STX3: variants seen among roughly 807,000 people sequenced by gnomAD.
STX3 encodes the protein syntaxin-3.
In STX3, 19 loss-of-function variants were observed where a neutral mutation model predicts 40.2. The ratio of observed to expected loss-of-function variants is 0.47; its 90% CI spans 0.33 to 0.69. STX3 has a LOEUF of 0.69. STX3 is among the 30% of genes least tolerant of loss of function. The pLI is 0.02. For missense variants in STX3, 364 were observed against 366.7 expected, an observed-to-expected ratio of 0.99 and a Z score of 0.06; for synonymous variants, 122 against 132.2, an observed-to-expected ratio of 0.92 and a Z score of 0.53.
Position 59,801,868 on chromosome 11 carries a change from G to T in STX3, c.*1044G>T, listed in dbSNP as rs1303214891. The T allele has an allele frequency of 1.0e-6, 1 of 985,180 alleles. No individual in the cohort carries two copies. Among genetic ancestry groups the T allele is most frequent in the Non-Finnish European group, 1.2e-6 (1 of 829,878 alleles). 61.0% of individuals were successfully genotyped at this position (985,180 alleles called of 1,614,324 possible). A position where few individuals can be genotyped will look rare whatever the true frequency, so the allele number is the denominator to read the frequency against. ...GAGCTAGGATAAAAATTGGGTAAAG[G>T]ACATTTGCTTACCTGCAAATGAATC... On this transcript the variant is annotated 3_prime_UTR_variant, in exon 11 of 11. Transcript: ENST00000337979.
chr11:59,755,558 G>A lies in STX3; in HGVS notation c.-48G>A. ...CACCTGGGAAGCGCTCACCTGGGACGCGCTCACCTGGGACGCGCTACCTGC... is the reference window on the plus strand; with the variant it reads ...CACCTGGGAAGCGCTCACCTGGGACACGCTCACCTGGGACGCGCTACCTGC... On this transcript the variant is annotated 5_prime_UTR_variant, in exon 1 of 11. Coordinates refer to ENST00000337979, the MANE Select transcript of STX3 (RefSeq NM_004177.5). The A allele has an allele frequency of 6.3e-7, 1 of 1,586,710 alleles. No homozygotes were observed. The highest frequency in any genetic ancestry group is 1.1e-5 in the South Asian group (1 of 90,428).
chr11:59,785,587 T>G (rs1864702860), intron 2 of STX3, among the ~76,000 whole-genome samples: 1 of 152,186 alleles, frequency 6.6e-6, no homozygotes, highest in East Asian at 1.9e-4. Context: ...TGCCTCGGCC[T>G]CTCAAAGTGC....
At position 59,803,248 on chromosome 11, in the gene STX3, A is replaced by G. The variant is rs1049291406; in HGVS notation, c.*2424A>G. The G allele has an allele frequency of 7.3e-6, 9 of 1,231,550 alleles. No homozygotes were observed. The African/African-American group carries it at 1.4e-4, about 19-fold the overall frequency. The allele number at this position is 1,231,550 out of a possible 1,614,324, so 76.3% of individuals were successfully genotyped here. ...GATCATGATCATGATCTGCTGTATT[A>G]TCCTTGCGATCATCTTAGCTTCCAC... On this transcript the variant is annotated 3_prime_UTR_variant, in exon 11 of 11. Coordinates refer to ENST00000337979, the MANE Select transcript of STX3 (RefSeq NM_004177.5).
chr11:59,758,126 G>A (rs1434252089), intron 1 of STX3, among the ~76,000 whole-genome samples: 2 of 152,124 alleles, frequency 1.3e-5, no homozygotes, highest in African/African-American at 2.4e-5. Flanking sequence ...TTTGTTCTGG[G>A]TAGATACAAA....
intron 5 of STX3, among the ~76,000 whole-genome samples, chr11:59,791,030 G>A (rs1363539321): frequency 6.6e-6 from 1 of 152,158 alleles, no homozygotes; most frequent in Non-Finnish European, 1.5e-5. Context: ...ATGCGACCCA[G>A]CAGGAGGATG....
At chr11:59,764,322 A>G (rs1159953074) in intron 1 of STX3, among the ~76,000 whole-genome samples, 2 of 152,220 alleles carry the variant, frequency 1.3e-5, no homozygotes, top group African/African-American at 4.8e-5. Context: ...TGTGCCTAGC[A>G]TTGCTCTAAA....
intron 1 of STX3, among the ~76,000 whole-genome samples, chr11:59,767,392 T>A (rs1186770694): frequency 6.6e-6 from 1 of 152,234 alleles, no homozygotes; most frequent in African/African-American, 2.4e-5. Context: ...GATATGTTGA[T>A]TCTTTGATAA....
chr11:59,800,833 T>G (rs1865849783), intron 10 of STX3, 22 bp from the exon 11 acceptor site: 1 of 1,536,390 alleles, frequency 6.5e-7, no homozygotes, highest in Non-Finnish European at 8.7e-7. Context: ...ACTGATCAGC[T>G]CCTCCTTTCC....
Position 59,777,732 on chromosome 11 carries a change from T to C in STX3, c.114+4438T>C, listed in dbSNP as rs147683704. ...TCTCTTAGGATTGTGAGAGAGAGAG[T>C]CTGTTCTGTGATTATCTATTGTTAT... On this transcript the variant is annotated intron_variant, in intron 2 of 10. Coordinates refer to ENST00000337979, the MANE Select transcript of STX3 (RefSeq NM_004177.5). Among the ~76,000 whole-genome samples the C allele has an allele frequency of 2.6e-3, 400 of 152,196 alleles. 2 individuals are homozygous for C. The highest frequency in any genetic ancestry group is 9.1e-3 in the African/African-American group (376 of 41,502).
chr11:59,793,298 C>A, intron 7 of STX3, 82 bp from the exon 8 acceptor site: 1 of 1,604,728 alleles, frequency 6.2e-7, no homozygotes, highest in South Asian at 1.1e-5. Flanking sequence ...GCAAGGAGCT[C>A]CCCAGGAGCG....
intron 10 of STX3, among the ~76,000 whole-genome samples, chr11:59,798,446 A>T (rs1295200876): frequency 6.6e-6 from 1 of 152,106 alleles, no homozygotes; most frequent in Non-Finnish European, 1.5e-5. Flanking sequence ...ACCTCAGGTG[A>T]TTTGCCCGCC....
chr11:59,802,817 T>C lies in STX3; in HGVS notation c.*1993T>C. 1.0e-6 allele frequency: 1 copy of C among 989,438 alleles called. No individual in the cohort carries two copies. Among genetic ancestry groups the C allele is most frequent in the Non-Finnish European group, 1.2e-6 (1 of 832,726 alleles). The allele number at this position is 989,438 out of a possible 1,614,324, so 61.3% of individuals were successfully genotyped here. A position where few individuals can be genotyped will look rare whatever the true frequency, so the allele number is the denominator to read the frequency against. Reference sequence around the variant, plus strand: ...ACACCTTTTTAAGCCATGTGCTGGATCAGATGGTTCAAAAGTGCAATTTTT... The same window carrying C: ...ACACCTTTTTAAGCCATGTGCTGGACCAGATGGTTCAAAAGTGCAATTTTT... On this transcript the variant is annotated 3_prime_UTR_variant, in exon 11 of 11. Transcript: ENST00000337979.
At chr11:59,758,021 G>A (rs149549967) in intron 1 of STX3, among the ~76,000 whole-genome samples, 73 of 152,308 alleles carry the variant, frequency 4.8e-4, no homozygotes, top group Middle Eastern at 3.4e-3. Flanking sequence ...AGCAGCCTAT[G>A]CAATCTCTTT....
At chr11:59,799,487 T>C (rs1283982230) in intron 10 of STX3, among the ~76,000 whole-genome samples, 1 of 152,246 alleles carries the variant, frequency 6.6e-6, no homozygotes, top group Non-Finnish European at 1.5e-5. Flanking sequence ...TGTTGGAGGT[T>C]TATGTTATTT....
chr11:59,787,212 C>A, intron 3 of STX3, 76 bp downstream of exon 3: 3 of 1,323,734 alleles, frequency 2.3e-6, no homozygotes, highest in Non-Finnish European at 2.2e-6. Context: ...TTTTCTTGCC[C>A]TTCGTGAGCA....
chr11:59,769,846 GTGTGTA>G (rs1179599464), intron 1 of STX3, among the ~76,000 whole-genome samples: 2 of 151,582 alleles, frequency 1.3e-5, no homozygotes, highest in African/African-American at 4.9e-5. Context: ...GTGTGTGTGT[GTGTGTA>G]TGTATGTGTT....
At chr11:59,764,692 G>C (rs538093989) in intron 1 of STX3, among the ~76,000 whole-genome samples, 1 of 152,176 alleles carries the variant, frequency 6.6e-6, no homozygotes, top group East Asian at 1.9e-4. Context: ...AGAAGCCCTG[G>C]GCTCCCACAG....
At chr11:59,795,527 T>G (rs1197040404) in intron 9 of STX3, 45 bp downstream of exon 9, 1 of 1,577,292 alleles carries the variant, frequency 6.3e-7, no homozygotes, top group African/African-American at 1.3e-5. Context: ...CCATTTTGTT[T>G]GCTGTGTCTC....
chr11:59,788,860 T>C lies in STX3; in HGVS notation c.215-13T>C. 1 of 1,610,322 alleles carries C rather than the reference T, an allele frequency of 6.2e-7. No individual in the cohort carries two copies. The highest frequency in any genetic ancestry group is 1.1e-5 in the South Asian group (1 of 90,432). On this transcript the variant is annotated splice_polypyrimidine_tract_variant and intron_variant, in intron 3 of 10. Coordinates refer to ENST00000337979, the MANE Select transcript of STX3 (RefSeq NM_004177.5). ...TCCTTTCTAACGGATTCTGCCTGCC[T>C]TTATTTACCCAGAAACCAAGGATGA...
Sources: gnomAD v4.1 joint callset for allele counts (sites outside exome capture counted in the v4.1 genomes callset) on GRCh38, gnomAD v4.1.1 for gene constraint, MANE v1.5 for transcripts, NCBI Gene and HGNC (gene_info 2026-07-23, HGNC 2026-07-21) for gene names.